The following C1orf35 variants were observed in gnomAD, a reference collection of about 807,000 sequenced individuals.
C1orf35 encodes chromosome 1 open reading frame 35.
A neutral mutation model predicts 30.9 loss-of-function variants in C1orf35; 36 were observed. The observed-to-expected ratio is 1.16, with a 90% CI of 0.89 to 1.54. The LOEUF (loss-of-function observed/expected upper bound fraction) is 1.54, where lower values mean the gene tolerates loss of function less well. Ranked by LOEUF, C1orf35 falls within the 40% of genes most tolerant of loss-of-function variation. The pLI is 0.00. For synonymous variants in C1orf35, 179 were observed against 148.2 expected, an observed-to-expected ratio of 1.21 and a Z score of -1.51; for missense variants, 396 against 358.7, an observed-to-expected ratio of 1.10 and a Z score of -0.84.
chr1:228,102,948 C>A lies in C1orf35; in HGVS notation c.196G>T (p.Glu66Ter). 1 of 1,517,588 alleles carries A rather than the reference C, an allele frequency of 6.6e-7. No individual in the cohort carries two copies. Among genetic ancestry groups the A allele is most frequent in the Non-Finnish European group, 8.8e-7 (1 of 1,138,178 alleles). 94.0% of individuals were successfully genotyped at this position (1,517,588 alleles called of 1,614,324 possible). A position where few individuals can be genotyped will look rare whatever the true frequency, so the allele number is the denominator to read the frequency against. ...TCCGCCTCCCGCACGGCTGCCAGTT[C>A]CTCCTCGCGGCTCGGGCCCGCGCAT... ...APCAGPSREE[E>*]LAAVREAERE... The change falls in exon 2 of 8, where the codon GAA (glutamate) becomes TAA (stop). Residue 66 changes from glutamate (E) to a stop codon, truncating the protein, a stop_gained. Coordinates refer to ENST00000272139, the MANE Select transcript of C1orf35 (RefSeq NM_024319.4). LOFTEE classifies it high-confidence loss of function.
At position 228,102,064 on chromosome 1, in the gene C1orf35, G is replaced by A. The variant is rs915415252; in HGVS notation, c.533+16C>T. The A allele has an allele frequency of 1.9e-6, 3 of 1,540,140 alleles. No individual in the cohort carries two copies. Among genetic ancestry groups the A allele is most frequent in the Non-Finnish European group, 2.6e-6 (3 of 1,149,010 alleles). On this transcript the variant is annotated intron_variant, in intron 6 of 7. Transcript: ENST00000272139. ...CCCACCCCGGGGCACAGCTAGCCCA[G>A]GTGGCACAGCCTCACCTGCTTTCCG...
At position 228,102,630 on chromosome 1, in the gene C1orf35, C is replaced by G. The variant is rs772251124; in HGVS notation, c.291+13G>C. 4 of 1,600,422 alleles carry G rather than the reference C, an allele frequency of 2.5e-6. No individual in the cohort carries two copies. The East Asian group carries it at 6.8e-5, about 27-fold the overall frequency. ...CCACGGCCCTCCACGCGCCCCCCACCCCGGGGAGTTACCTCCTTGCTCAGG... is the reference window on the plus strand; with the variant it reads ...CCACGGCCCTCCACGCGCCCCCCACGCCGGGGAGTTACCTCCTTGCTCAGG... On this transcript the variant is annotated intron_variant, in intron 3 of 7. Transcript: ENST00000272139.
intron 6 of C1orf35, 140 bp from the exon 7 acceptor site, chr1:228,101,613 C>A (rs1046965043): frequency 2.0e-6 from 3 of 1,503,642 alleles, no homozygotes; most frequent in Non-Finnish European, 2.6e-6. Flanking sequence ...AATTCCACTC[C>A]TCAGTTACGT....
chr1:228,101,903 C>G, intron 6 of C1orf35, 177 bp downstream of exon 6: 1 of 1,421,216 alleles, frequency 7.0e-7, no homozygotes, highest in Non-Finnish European at 9.2e-7. Context: ...AAGGGTGACC[C>G]GAGAAACTCC....
chr1:228,102,261 GC>G, intron 5 of C1orf35, 48 bp downstream of exon 5: 1 of 1,594,728 alleles, frequency 6.3e-7, no homozygotes. Context: ...CCCCCGCCCC[GC>G]CCCACCCCTG....
At chr1:228,102,212 C>T in intron 5 of C1orf35, 47 bp from the exon 6 acceptor site, 1 of 1,565,360 alleles carries the variant, frequency 6.4e-7, no homozygotes, top group Non-Finnish European at 8.6e-7. Flanking sequence ...GCCGGCCCCA[C>T]ACCACGCCCC....
At position 228,102,624 on chromosome 1, in the gene C1orf35, C is replaced by T. The variant is rs555368495; in HGVS notation, c.291+19G>A. On this transcript the variant is annotated intron_variant, in intron 3 of 7. Transcript: ENST00000272139. Reference sequence around the variant, plus strand: ...CCACACCCACGGCCCTCCACGCGCCCCCCACCCCGGGGAGTTACCTCCTTG... The same window carrying T: ...CCACACCCACGGCCCTCCACGCGCCTCCCACCCCGGGGAGTTACCTCCTTG... The T allele has an allele frequency of 2.8e-5, 44 of 1,597,716 alleles. No individual in the cohort carries two copies. The highest frequency in any genetic ancestry group is 1.8e-4 in the Middle Eastern group (1 of 5,624).
At position 228,101,904 on chromosome 1, in the gene C1orf35, G is replaced by A. The variant is rs564052413; in HGVS notation, c.533+176C>T. ...TAGGACCTCTCTTCAAGGGTGACCC[G>A]AGAAACTCCCCTAGAGAAAAACCTA... On this transcript the variant is annotated intron_variant, in intron 6 of 7. Transcript: ENST00000272139. The A allele has an allele frequency of 1.8e-3, 2,582 of 1,420,710 alleles. 3 individuals are homozygous for A. Among genetic ancestry groups the A allele is most frequent in the Non-Finnish European group, 2.1e-3 (2,275 of 1,092,576 alleles). 88.0% of individuals were successfully genotyped at this position (1,420,710 alleles called of 1,614,324 possible). A position where few individuals can be genotyped will look rare whatever the true frequency, so the allele number is the denominator to read the frequency against.
chr1:228,103,073 C>G (rs764469184), intron 1 of C1orf35, 24 bp from the exon 2 acceptor site: 4 of 1,605,414 alleles, frequency 2.5e-6, no homozygotes, highest in Non-Finnish European at 3.4e-6. Context: ...CGCTGTGAGT[C>G]CAGCGCCCGC....
intron 6 of C1orf35, 25 bp downstream of exon 6, chr1:228,102,055 G>T: frequency 6.6e-7 from 1 of 1,517,400 alleles, no homozygotes. Context: ...CCGGGGCACA[G>T]CTAGCCCAGG....
chr1:228,101,973 G>A lies in C1orf35; in HGVS notation c.533+107C>T, dbSNP rs539733055. On this transcript the variant is annotated intron_variant, in intron 6 of 7. Transcript: ENST00000272139. Reference sequence around the variant, plus strand: ...AGTAAAGTAGGGCAGGCCACCCGCCGGGCCGGTGCGCCAAGAGAAGCTGCC... The same window carrying A: ...AGTAAAGTAGGGCAGGCCACCCGCCAGGCCGGTGCGCCAAGAGAAGCTGCC... 3.2e-5 allele frequency: 46 copies of A among 1,428,410 alleles called. No individual in the cohort carries two copies. The South Asian group carries it at 4.2e-4, about 13-fold the overall frequency. 88.5% of individuals were successfully genotyped at this position (1,428,410 alleles called of 1,614,324 possible). A position where few individuals can be genotyped will look rare whatever the true frequency, so the allele number is the denominator to read the frequency against.
At position 228,102,118 on chromosome 1, in the gene C1orf35, G is replaced by A; in HGVS notation, c.495C>T (p.Ala165=). The A allele has an allele frequency of 1.9e-6, 3 of 1,580,464 alleles. No individual in the cohort carries two copies. Among genetic ancestry groups the A allele is most frequent in the South Asian group, 1.1e-5 (1 of 88,322 alleles). Residue 165 remains alanine (A), a synonymous_variant, in exon 6 of 8, where the codon GCC becomes GCT. Transcript: ENST00000272139. ...GATCCTCCGCCCGCGGCTTCCTCCTGGCCGAGGCTGCCGAGGTCCCGGGCC... is the reference window on the plus strand; with the variant it reads ...GATCCTCCGCCCGCGGCTTCCTCCTAGCCGAGGCTGCCGAGGTCCCGGGCC... ...SGGPGTSAAS[A]RRKPRAEDQT...
chr1:228,101,712 T>C (rs2032950462), intron 6 of C1orf35: 1 of 1,424,122 alleles, frequency 7.0e-7, no homozygotes, highest in East Asian at 2.6e-5. Context: ...AGCCGTGCCC[T>C]TGGCAGGTTG....
chr1:228,102,073 G>C lies in C1orf35; in HGVS notation c.533+7C>G. Reference sequence around the variant, plus strand: ...GGGCACAGCTAGCCCAGGTGGCACAGCCTCACCTGCTTTCCGTCTGATCCT... The same window carrying C: ...GGGCACAGCTAGCCCAGGTGGCACACCCTCACCTGCTTTCCGTCTGATCCT... On this transcript the variant is annotated splice_region_variant and intron_variant, in intron 6 of 7. Coordinates refer to ENST00000272139, the MANE Select transcript of C1orf35 (RefSeq NM_024319.4). The C allele has an allele frequency of 6.3e-7, 1 of 1,576,060 alleles. No homozygotes were observed.
intron 2 of C1orf35, 92 bp downstream of exon 2, chr1:228,102,807 G>A (rs1248138501): frequency 2.1e-5 from 11 of 527,858 alleles, no homozygotes; most frequent in Middle Eastern, 6.4e-4. Context: ...CCCCGCTCCC[G>A]CCCAGCCCGA....
chr1:228,101,577 CT>C, intron 6 of C1orf35, 104 bp from the exon 7 acceptor site: 1 of 1,542,452 alleles, frequency 6.5e-7, no homozygotes, highest in Middle Eastern at 1.9e-4. Flanking sequence ...ACAAGTGCGT[CT>C]TTAAATCAGT....
At position 228,102,233 on chromosome 1, in the gene C1orf35, G is replaced by A. The variant is rs975448763; in HGVS notation, c.448-68C>T. ...CCCACACCACGCCCCGCAGCGCCCC[G>A]GGGAGCTCCGTTCAGTGCCCCCGCC... On this transcript the variant is annotated intron_variant, in intron 5 of 7. Transcript: ENST00000272139. 1.2e-4 allele frequency: 187 copies of A among 1,569,320 alleles called. 1 individual carries two copies. In the Middle Eastern group the frequency reaches 1.4e-3, roughly 12 times the overall value.
rs1351760345 is a variant in C1orf35, at chr1:228,102,529, C to T, written c.323G>A (p.Gly108Asp). ...GTCCACGCCCTTCTCCTCGGGGTCG[C>T]CTCCTTCCCGCTTGCAGACCTCCGC... ...DFAEVCKREG[G>D]DPEEKGVDRL... Residue 108 changes from glycine to aspartate, a missense_variant, in exon 4 of 8, where the codon GGC (glycine) becomes GAC (aspartate). Coordinates refer to ENST00000272139, the MANE Select transcript of C1orf35 (RefSeq NM_024319.4). 1.3e-6 allele frequency: 2 copies of T among 1,557,884 alleles called. No homozygotes were observed. The highest frequency in any genetic ancestry group is 1.7e-6 in the Non-Finnish European group (2 of 1,154,734).
At position 228,101,196 on chromosome 1, in the gene C1orf35, G is replaced by C; in HGVS notation, c.727C>G (p.Arg243Gly). The part of the protein sequence containing the change: ...SNSPCCKRRK[R>G]GHSGDRRSPS... ...CTCCTCCTGTCCCCACTGTGTCCCC[G>C]CTTCCTCCTCTTACAGCAGGGGGAG... Residue 243 changes from arginine to glycine, a missense_variant, in exon 8 of 8, where the codon CGG becomes GGG. By Grantham distance (125) the Arg-to-Gly change is moderately radical (BLOSUM62 -2). Transcript: ENST00000272139. 6.2e-7 allele frequency: 1 copy of C among 1,614,100 alleles called. No individual in the cohort carries two copies.
Sources: gnomAD v4.1 joint callset for allele counts on GRCh38, gnomAD v4.1.1 for gene constraint, MANE v1.5 for transcripts, NCBI Gene and HGNC (gene_info 2026-07-23, HGNC 2026-07-21) for gene names.